The following HDAC9 variants were observed in gnomAD, a reference collection of about 807,000 sequenced individuals.
HDAC9 encodes the protein MEF-2 interacting transcription repressor (MITR) protein.
In HDAC9, 41 loss-of-function variants were observed where a neutral mutation model predicts 139.4. The observed-to-expected ratio is 0.29, with a 90% CI of 0.23 to 0.38. The LOEUF (loss-of-function observed/expected upper bound fraction) is 0.38. Among genes scored for constraint, HDAC9 ranks in the 10% least tolerant of loss-of-function variants. HDAC9 has a pLI of 1.00. For missense variants in HDAC9, 1,147 were observed against 1,297.0 expected, an observed-to-expected ratio of 0.88 and a Z score of 1.78; for synonymous variants, 517 against 476.2, an observed-to-expected ratio of 1.09 and a Z score of -1.12.
chr7:18,713,087 G>T (rs1328657989), intron 12 of HDAC9, among the ~76,000 whole-genome samples: 1 of 152,106 alleles, frequency 6.6e-6, no homozygotes, highest in East Asian at 1.9e-4. Context: ...AACATAACTT[G>T]ACGCAAAAGC....
At chr7:18,158,431 AT>A (rs1217766346) in intron 1 of HDAC9, among the ~76,000 whole-genome samples, 10 of 152,192 alleles carry the variant, frequency 6.6e-5, no homozygotes, top group African/African-American at 2.4e-4. Flanking sequence ...TGAAGTTGTA[AT>A]GAGTAGATAG....
At chr7:18,692,195 A>T (rs1056674968) in intron 12 of HDAC9, among the ~76,000 whole-genome samples, 7 of 152,102 alleles carry the variant, frequency 4.6e-5, no homozygotes, top group Admixed American at 1.3e-4. Context: ...TGGATGACTT[A>T]AGAGAAAACT....
At chr7:18,936,084 A>G in intron 23 of HDAC9, 142 bp downstream of exon 23, 1 of 771,816 alleles carries the variant, frequency 1.3e-6, no homozygotes. Context: ...GCCTTAGATA[A>G]GTTTACATGT....
chr7:18,730,330 T>C (rs116758317), intron 13 of HDAC9, among the ~76,000 whole-genome samples: 1,677 of 152,308 alleles, frequency 0.011, 33 homozygotes, highest in African/African-American at 0.039. Context: ...AAAATCACTT[T>C]AGTATTTCTA....
intron 1 of HDAC9, among the ~76,000 whole-genome samples, chr7:18,138,521 GAGAGAGGTGT>G (rs1785621870): frequency 2.1e-5 from 3 of 140,210 alleles, no homozygotes; most frequent in African/African-American, 8.0e-5. Context: ...GTGAGAGAGA[GAGAGAGGTGT>G]GTGTGTGTGT....
At chr7:18,909,506 G>C (rs1802556524) in intron 22 of HDAC9, among the ~76,000 whole-genome samples, 1 of 151,964 alleles carries the variant, frequency 6.6e-6, no homozygotes, top group African/African-American at 2.4e-5. Context: ...TTTTCTTTTA[G>C]TAGTTTCGTA....
intron 17 of HDAC9, among the ~76,000 whole-genome samples, chr7:18,824,427 G>A (rs1371597999): frequency 6.6e-6 from 1 of 152,186 alleles, no homozygotes; most frequent in Non-Finnish European, 1.5e-5. Context: ...AGATAAGAAG[G>A]AAGGCAAACA....
At chr7:18,529,421 C>G (rs1293925976) in intron 2 of HDAC9, among the ~76,000 whole-genome samples, 4 of 152,132 alleles carry the variant, frequency 2.6e-5, no homozygotes, top group Non-Finnish European at 1.5e-5. Flanking sequence ...TTTACTTTAG[C>G]CAATTCCAAG....
At chr7:18,854,871 C>G (rs1797559708) in intron 21 of HDAC9, among the ~76,000 whole-genome samples, 1 of 152,058 alleles carries the variant, frequency 6.6e-6, no homozygotes, top group Non-Finnish European at 1.5e-5. Flanking sequence ...CATTAATGGT[C>G]TATATATTTT....
intron 2 of HDAC9, among the ~76,000 whole-genome samples, chr7:18,544,949 T>G (rs1814286363): frequency 6.6e-6 from 1 of 152,172 alleles, no homozygotes; most frequent in Non-Finnish European, 1.5e-5. Flanking sequence ...CTGGAGACAT[T>G]TTTGGTTGTC....
At chr7:18,310,826 A>G (rs1376714142) in intron 1 of HDAC9, among the ~76,000 whole-genome samples, 1 of 151,194 alleles carries the variant, frequency 6.6e-6, no homozygotes, top group Non-Finnish European at 1.5e-5. Context: ...ACACACACAC[A>G]CACACACACA....
intron 12 of HDAC9, among the ~76,000 whole-genome samples, chr7:18,675,784 C>A (rs1472628918): frequency 6.6e-6 from 1 of 152,002 alleles, no homozygotes; most frequent in Non-Finnish European, 1.5e-5. Context: ...GATTCAGCTG[C>A]AGCCCTTTCA....
At chr7:18,614,210 A>G (rs1318161958) in intron 6 of HDAC9, among the ~76,000 whole-genome samples, 1 of 152,042 alleles carries the variant, frequency 6.6e-6, no homozygotes, top group East Asian at 1.9e-4. Flanking sequence ...CTAAACTTCA[A>G]CCTTTTCATA....
chr7:18,751,770 T>C (rs899116421), intron 14 of HDAC9, among the ~76,000 whole-genome samples: 3 of 152,128 alleles, frequency 2.0e-5, no homozygotes, highest in Non-Finnish European at 4.4e-5. Context: ...AGACCTTTTG[T>C]TCAATATGAG....
chr7:18,958,129 T>G (rs1051606936), intron 24 of HDAC9, among the ~76,000 whole-genome samples: 7 of 152,150 alleles, frequency 4.6e-5, no homozygotes, highest in African/African-American at 1.7e-4. Context: ...TGTCCTTGTT[T>G]ATGTTGCTCA....
chr7:18,261,240 C>T (rs1266922320), intron 2 of HDAC9, among the ~76,000 whole-genome samples: 4 of 152,098 alleles, frequency 2.6e-5, no homozygotes, highest in East Asian at 3.9e-4. Flanking sequence ...CCTGGAAGTT[C>T]GAGGTTGCAG....
At chr7:18,106,091 A>G (rs1229268402) in intron 1 of HDAC9, among the ~76,000 whole-genome samples, 1 of 152,214 alleles carries the variant, frequency 6.6e-6, no homozygotes, top group Non-Finnish European at 1.5e-5. Context: ...TAAAGGATAT[A>G]GGGTTTCTTT....
rs117299090 is a variant in HDAC9 at position 18,194,285 on chromosome 7, G to T, written c.25+31936G>T. Among the ~76,000 whole-genome samples the T allele has an allele frequency of 5.1e-3, 770 of 151,996 alleles. 2 individuals are homozygous for T. Among genetic ancestry groups the T allele is most frequent in the Non-Finnish European group, 7.4e-3 (501 of 67,952 alleles). Reference sequence around the variant, plus strand: ...CTGTAGGATTTTCTTCCCATGTTTGGAATTTCTGTTTGTGTCCTTTGGTTA... The same window carrying T: ...CTGTAGGATTTTCTTCCCATGTTTGTAATTTCTGTTTGTGTCCTTTGGTTA... On this transcript the variant is annotated intron_variant, in intron 2 of 12. Coordinates refer to the HDAC9 transcript ENST00000417496.
chr7:18,950,310 G>A (rs901409318), intron 23 of HDAC9, among the ~76,000 whole-genome samples: 5 of 152,048 alleles, frequency 3.3e-5, no homozygotes, highest in Non-Finnish European at 4.4e-5. Context: ...TGCATGTCAG[G>A]AAACCTTGCC....
Sources: gnomAD v4.1 joint callset for allele counts (sites outside exome capture counted in the v4.1 genomes callset) on GRCh38, gnomAD v4.1.1 for gene constraint, MANE v1.5 for transcripts, NCBI Gene and HGNC (gene_info 2026-07-23, HGNC 2026-07-21) for gene names.